The following SPATA24 variants were observed in gnomAD, a reference collection of about 807,000 sequenced individuals.
SPATA24 encodes the protein spermatogenesis associated 24.
Under a neutral mutation model 28.9 loss-of-function variants are expected in SPATA24, and 21 were observed. The observed-to-expected ratio is 0.73, with a 90% CI of 0.52 to 1.05. SPATA24 has a LOEUF of 1.05. SPATA24 is among the 50% of genes least tolerant of loss of function. The probability of loss-of-function intolerance (pLI) is 0.00; values close to 1 mark genes in which losing one functional copy is unlikely to be tolerated. For synonymous variants in SPATA24, 76 were observed against 89.9 expected, an observed-to-expected ratio of 0.85 and a Z score of 0.88; for missense variants, 215 against 242.9, an observed-to-expected ratio of 0.88 and a Z score of 0.76.
downstream of SPATA24, chr5:139,394,573 T>C (rs1758660942): frequency 6.6e-7 from 1 of 1,525,564 alleles, no homozygotes; most frequent in Non-Finnish European, 8.8e-7. Context: ...CAGCTCTAGG[T>C]AGGTGGCCCA....
downstream of SPATA24, chr5:139,396,517 A>C: frequency 3.2e-6 from 4 of 1,246,844 alleles, no homozygotes; most frequent in Non-Finnish European, 4.1e-6. Context: ...CCCTGTAGTC[A>C]AGTTGGGAAG....
chr5:139,392,894 G>T (rs1373676590), downstream of SPATA24: 3 of 1,543,386 alleles, frequency 1.9e-6, no homozygotes, highest in Non-Finnish European at 2.6e-6. This position sits in a 1 kb window ranked among gnomAD's most constrained non-coding sequence, Gnocchi z 5.8. Flanking sequence ...ATCTCTGTGC[G>T]CTTGAAGGGC....
chr5:139,403,876 GT>G, intron 1 of SPATA24, 67 bp downstream of exon 1: 2 of 1,351,526 alleles, frequency 1.5e-6, no homozygotes, highest in Non-Finnish European at 2.1e-6. Flanking sequence ...ATCGGAACAG[GT>G]TCTGGCCCCG....
chr5:139,399,210 G>A (rs931357991), intron 4 of SPATA24, among the ~76,000 whole-genome samples: 30 of 151,598 alleles, frequency 2.0e-4, no homozygotes, highest in African/African-American at 7.0e-4. Context: ...CCAGCTACCT[G>A]GGAGGCTGAG....
In SPATA24 at chr5:139,399,434, G is replaced by A. The variant is rs545672739; in HGVS notation, c.386-2291C>T. Among the ~76,000 whole-genome samples the A allele has an allele frequency of 1.9e-3, 288 of 151,188 alleles. 1 individual carries two copies. The highest frequency in any genetic ancestry group is 3.8e-3 in the Non-Finnish European group (256 of 68,026). On this transcript the variant is annotated intron_variant, in intron 4 of 5. Coordinates refer to ENST00000450845, the MANE Select transcript of SPATA24 (RefSeq NM_194296.2). ...AGACCTGGTAAAAAGTGAAGGCACA[G>A]CATGGAAAAGAGGAGACAGGTGAAG...
chr5:139,401,309 C>T (rs1407904064), intron 4 of SPATA24, among the ~76,000 whole-genome samples: 1 of 152,146 alleles, frequency 6.6e-6, no homozygotes, highest in East Asian at 1.9e-4. Context: ...ATAAAAATAA[C>T]TCTTAGTTTC....
chr5:139,396,041 T>C (rs907487181), downstream of SPATA24, among the ~76,000 whole-genome samples: 1 of 152,172 alleles, frequency 6.6e-6, no homozygotes, highest in African/African-American at 2.4e-5. Context: ...CACTTGCCCT[T>C]AAACTTCTGG....
downstream of SPATA24, chr5:139,394,075 C>T (rs1436637739): frequency 1.9e-6 from 3 of 1,550,740 alleles, no homozygotes; most frequent in Middle Eastern, 1.7e-4. Flanking sequence ...ACTAACAGGA[C>T]CCAGCGGCTC....
At chr5:139,394,095 C>G (rs980145931), downstream of SPATA24, 4 of 1,549,892 alleles carry the variant, frequency 2.6e-6, no homozygotes, top group African/African-American at 5.5e-5. Flanking sequence ...CCGTCCCGGG[C>G]GCAGGCTTGT....
chr5:139,403,901 G>A, intron 1 of SPATA24, 43 bp downstream of exon 1: 5 of 1,491,532 alleles, frequency 3.4e-6, no homozygotes, highest in Non-Finnish European at 4.6e-6. Flanking sequence ...CCACCAGTGA[G>A]GCATCCGGCC....
downstream of SPATA24, chr5:139,396,456 C>G: frequency 2.6e-6 from 3 of 1,135,582 alleles, no homozygotes; most frequent in Non-Finnish European, 3.3e-6. Context: ...TCCCAAATTC[C>G]TTGTGGTTCT....
intron 1 of SPATA24, 92 bp from the exon 2 acceptor site, chr5:139,402,785 G>T: frequency 1.1e-6 from 1 of 925,400 alleles, no homozygotes; most frequent in Non-Finnish European, 1.7e-6. Flanking sequence ...ACAGGATGAT[G>T]CTCGTGGTAC....
chr5:139,393,209 G>C (rs773255992), downstream of SPATA24: 2 of 1,549,408 alleles, frequency 1.3e-6, no homozygotes, highest in Non-Finnish European at 1.7e-6. Context: ...CGCACGTCTC[G>C]AGGCCGCGGA....
At chr5:139,396,764 G>A (rs745979909), downstream of SPATA24, 215 of 1,551,504 alleles carry the variant, frequency 1.4e-4, no homozygotes, top group Admixed American at 4.3e-4. Flanking sequence ...CAGAGGCTGG[G>A]GATTACAGCC....
At chr5:139,394,948 T>C (rs1267371056), downstream of SPATA24, 28 of 1,520,722 alleles carry the variant, frequency 1.8e-5, no homozygotes, top group Non-Finnish European at 2.5e-5. Context: ...CGGCCCAACG[T>C]CCGGGGGCTC....
chr5:139,397,086 ATCT>A lies in SPATA24; in HGVS notation c.440_442del (p.Glu147_Ile148delinsVal). On this transcript the variant is annotated inframe_deletion, in exon 5 of 6. Transcript: ENST00000450845. ...GCTGATAACTTGCTGCAACTCTTTA[ATCT>A]CATTCTCTTTGCCATTAAGTATATC... is the stretch of plus-strand genomic sequence containing the variant. 3.2e-6 allele frequency: 5 copies of A among 1,551,876 alleles called. No homozygotes were observed. Among genetic ancestry groups the A allele is most frequent in the Non-Finnish European group, 4.4e-6 (5 of 1,147,044 alleles).
chr5:139,402,147 G>A, intron 2 of SPATA24, 102 bp from the exon 3 acceptor site: 1 of 1,399,670 alleles, frequency 7.1e-7, no homozygotes, highest in East Asian at 2.5e-5. Flanking sequence ...AGAAGCCAGA[G>A]CACAGGGAGA....
intron 4 of SPATA24, among the ~76,000 whole-genome samples, chr5:139,397,755 A>G (rs538157514): frequency 1.3e-5 from 2 of 152,210 alleles, no homozygotes; most frequent in South Asian, 4.1e-4. Context: ...GGGTTTCACC[A>G]TGTTGGCCAG....
At chr5:139,395,063 G>C, downstream of SPATA24, 1 of 1,411,124 alleles carries the variant, frequency 7.1e-7, no homozygotes, top group South Asian at 1.6e-5. Context: ...AGGGCTGGCG[G>C]GGCGAGCGCG....
Sources: allele counts gnomAD v4.1 joint callset (sites outside exome capture counted in the v4.1 genomes callset), GRCh38; gene constraint gnomAD v4.1.1; non-coding constraint Gnocchi (gnomAD v3.1); transcripts MANE v1.5; gene names NCBI Gene and HGNC (gene_info 2026-07-23, HGNC 2026-07-21).